The following PLAG1 variants were observed in gnomAD, a reference collection of about 807,000 sequenced individuals.
PLAG1 encodes the protein zinc finger protein PLAG1.
PLAG1 carries 7 observed loss-of-function variants against 35.5 expected under a neutral mutation model. That is an observed-to-expected ratio of 0.20 (90% CI 0.11 to 0.37). The LOEUF is 0.37. Among genes scored for constraint, PLAG1 ranks in the 10% least tolerant of loss-of-function variants. The pLI is 1.00. For synonymous variants in PLAG1, 229 were observed against 225.4 expected (o/e 1.02, Z -0.14); for missense variants, 454 against 602.8 (o/e 0.75, Z 2.58).
chr8:56,210,924 G>A (rs1157908128), intron 1 of PLAG1, among the ~76,000 whole-genome samples, 197 bp downstream of exon 1: 1 of 151,680 alleles, frequency 6.6e-6, no homozygotes, highest in South Asian at 2.1e-4. Context: ...GCAGCCCCGC[G>A]TAATTATTTT....
chr8:56,174,056 A>C (rs1811618089), intron 2 of PLAG1, among the ~76,000 whole-genome samples: 1 of 152,222 alleles, frequency 6.6e-6, no homozygotes, highest in Non-Finnish European at 1.5e-5. Context: ...CTGCATCAAT[A>C]ATTATTTCAT....
chr8:56,168,900 T>C (rs1347856553), intron 3 of PLAG1, among the ~76,000 whole-genome samples: 3 of 152,176 alleles, frequency 2.0e-5, no homozygotes, highest in Admixed American at 1.3e-4. Flanking sequence ...GAAGAGGTAC[T>C]TCACGGAGAG....
In PLAG1 at chr8:56,166,348, A is replaced by C; in HGVS notation, c.1398T>G (p.Pro466=). 1.2e-6 allele frequency: 2 copies of C among 1,613,934 alleles called. No individual in the cohort carries two copies. The highest frequency in any genetic ancestry group is 1.7e-6 in the Non-Finnish European group (2 of 1,179,836). ...LPPQTQDLQD[P]ANTIGLGSLH... is the part of the protein sequence containing the mutation. ...GAGACCCAAGCCCTATAGTGTTTGC[A>C]GGATCCTGAAGATCCTGTGTTTGTG... Residue 466 remains proline (P), a synonymous_variant, in exon 5 of 5, where the codon CCT becomes CCG. Coordinates refer to ENST00000316981, the MANE Select transcript of PLAG1 (RefSeq NM_002655.3).
At chr8:56,189,812 A>AG (rs1258412630) in intron 1 of PLAG1, among the ~76,000 whole-genome samples, 1 of 152,188 alleles carries the variant, frequency 6.6e-6, no homozygotes, top group Non-Finnish European at 1.5e-5. Context: ...AGTGCGTCCC[A>AG]GTCGGGGGAG....
At chr8:56,201,176 G>A (rs547211878) in intron 1 of PLAG1, among the ~76,000 whole-genome samples, 154 of 152,244 alleles carry the variant, frequency 1.0e-3, no homozygotes, top group African/African-American at 3.4e-3. Context: ...TCTCCTGGGT[G>A]GGAAGATCAT....
rs549858559 is a variant in PLAG1, at chr8:56,177,505, T to C, written c.-217+1904A>G. ...CAATTCTATTTGATCAAGAATGACC[T>C]TGAAAACCTTACCTCTCTGAACCTT... On this transcript the variant is annotated intron_variant, in intron 2 of 4. Transcript: ENST00000316981. Among the ~76,000 whole-genome samples the C allele has an allele frequency of 1.7e-4, 26 of 152,268 alleles. No individual in the cohort carries two copies. The South Asian group carries it at 5.0e-3, about 29-fold the overall frequency.
chr8:56,206,066 T>C (rs1341641227), intron 1 of PLAG1, among the ~76,000 whole-genome samples: 1 of 152,006 alleles, frequency 6.6e-6, no homozygotes, highest in African/African-American at 2.4e-5. Flanking sequence ...AATGTTCTGA[T>C]AAGCATTTTT....
rs79450965 is a variant in PLAG1, at chr8:56,161,635, T to C, written c.*4608A>G. Reference sequence around the variant, plus strand: ...CCTTTTGCAAGTGCACATGAATACATTGTGGTGGTGTAAAAGTTTGTTAAT... The same window carrying C: ...CCTTTTGCAAGTGCACATGAATACACTGTGGTGGTGTAAAAGTTTGTTAAT... On this transcript the variant is annotated 3_prime_UTR_variant, in exon 5 of 5. Transcript: ENST00000316981. 2,297 of 227,706 alleles carry C rather than the reference T, an allele frequency of 0.01. 107 individuals are homozygous for C. The East Asian group carries it at 0.11, about 11-fold the overall frequency. The allele number at this position is 227,706 out of a possible 1,614,324, so 14.1% of individuals were successfully genotyped here.
rs1282757000 is a variant in PLAG1 at position 56,166,996 on chromosome 8, G to C, written c.750C>G (p.Phe250Leu). ...LLKVKTEPVD[F>L]LDPFTCNVSV... is the part of the protein sequence containing the mutation. Reference sequence around the variant, plus strand: ...ACACATTGCAGGTAAATGGGTCAAGGAAATCCACTGGTTCTGTTTTGACCT... The same window carrying C: ...ACACATTGCAGGTAAATGGGTCAAGCAAATCCACTGGTTCTGTTTTGACCT... The change falls in exon 5 of 5, where the codon TTC becomes TTG. Residue 250 changes from phenylalanine (F) to leucine (L), a missense_variant. Physicochemically the swap from Phe to Leu is conservative, Grantham distance 22. Transcript: ENST00000316981. 6.8e-6 allele frequency: 11 copies of C among 1,614,002 alleles called. No homozygotes were observed. In the Admixed American group the frequency reaches 1.2e-4, roughly 17 times the overall value.
In PLAG1 at chr8:56,163,741, AT is replaced by A. The variant is rs1811276294; in HGVS notation, c.*2501del. On this transcript the variant is annotated 3_prime_UTR_variant, in exon 5 of 5. Coordinates refer to ENST00000316981, the MANE Select transcript of PLAG1 (RefSeq NM_002655.3). Reference sequence around the variant, plus strand: ...TATGGCGCTATTCCCCATTTCCAAAATGCTTTACTTAATAAATCCTGGTACT... The same window carrying A: ...TATGGCGCTATTCCCCATTTCCAAAAGCTTTACTTAATAAATCCTGGTACT... The A allele has an allele frequency of 5.3e-6, 1 of 190,056 alleles. No homozygotes were observed. The highest frequency in any genetic ancestry group is 1.9e-4 in the South Asian group (1 of 5,170). The allele number at this position is 190,056 out of a possible 1,614,324, so 11.8% of individuals were successfully genotyped here. A position where few individuals can be genotyped will look rare whatever the true frequency, so the allele number is the denominator to read the frequency against.
At chr8:56,204,683 T>C (rs923658773) in intron 1 of PLAG1, among the ~76,000 whole-genome samples, 4 of 151,932 alleles carry the variant, frequency 2.6e-5, no homozygotes, top group African/African-American at 7.2e-5. Flanking sequence ...TCTGAGAATA[T>C]TATCACATTC....
rs950157372 is a variant in PLAG1 at position 56,165,333 on chromosome 8, A to C, written c.*910T>G. 25 of 216,036 alleles carry C rather than the reference A, an allele frequency of 1.2e-4. No individual in the cohort carries two copies. The highest frequency in any genetic ancestry group is 1.4e-4 in the Non-Finnish European group (15 of 107,252). 13.4% of individuals were successfully genotyped at this position (216,036 alleles called of 1,614,324 possible). A position where few individuals can be genotyped will look rare whatever the true frequency, so the allele number is the denominator to read the frequency against. ...TGCAGTTCCACAATGGCTCTAGATTATGGACTAACCGTGGGCCAACAATGA... is the reference window on the plus strand; with the variant it reads ...TGCAGTTCCACAATGGCTCTAGATTCTGGACTAACCGTGGGCCAACAATGA... On this transcript the variant is annotated 3_prime_UTR_variant, in exon 5 of 5. Coordinates refer to ENST00000316981, the MANE Select transcript of PLAG1 (RefSeq NM_002655.3).
At chr8:56,198,062 C>T (rs534829957) in intron 1 of PLAG1, among the ~76,000 whole-genome samples, 2 of 152,328 alleles carry the variant, frequency 1.3e-5, no homozygotes, top group Admixed American at 6.5e-5. Context: ...GAATGGATGG[C>T]CCGCATCACA....
chr8:56,195,671 G>C (rs1563390424), intron 1 of PLAG1, among the ~76,000 whole-genome samples: 3 of 152,222 alleles, frequency 2.0e-5, no homozygotes, highest in Non-Finnish European at 4.4e-5. Flanking sequence ...CAGCTGGAGA[G>C]ATCACCGAGC....
chr8:56,166,327 C>A lies in PLAG1; in HGVS notation c.1419G>T (p.Gly473=). The part of the protein sequence containing the change: ...LQDPANTIGL[G]SLHSLSAAFT... ...AAGCTGCTGACAGTGAGTGCAGAGA[C>A]CCAAGCCCTATAGTGTTTGCAGGAT... Residue 473 remains glycine (G), a synonymous_variant, in exon 5 of 5, where the codon GGG becomes GGT. Coordinates refer to ENST00000316981, the MANE Select transcript of PLAG1 (RefSeq NM_002655.3). 4.3e-6 allele frequency: 7 copies of A among 1,613,760 alleles called. No individual in the cohort carries two copies. Among genetic ancestry groups the A allele is most frequent in the Non-Finnish European group, 5.9e-6 (7 of 1,179,752 alleles).
chr8:56,166,866 G>T lies in PLAG1; in HGVS notation c.880C>A (p.Pro294Thr). The stretch of plus-strand genomic sequence containing the variant: ...CCCGAGCTCTGCATGGACTGAAATG[G>T]AGTGTTGTAGAGGTTTAACTGCAAA... ...NTLQLNLYNTPFQSMQSSGSA... is the reference protein window; with the variant it reads ...NTLQLNLYNTTFQSMQSSGSA... Residue 294 changes from proline (P) to threonine (T), a missense_variant, in exon 5 of 5, where the codon CCA becomes ACA. Pro to Thr is a conservative substitution (Grantham distance 38). Transcript: ENST00000316981. 1.2e-6 allele frequency: 2 copies of T among 1,614,110 alleles called. No individual in the cohort carries two copies. Among genetic ancestry groups the T allele is most frequent in the Non-Finnish European group, 1.7e-6 (2 of 1,179,990 alleles).
At chr8:56,190,996 G>A (rs572465420) in intron 1 of PLAG1, among the ~76,000 whole-genome samples, 26 of 152,272 alleles carry the variant, frequency 1.7e-4, no homozygotes, top group East Asian at 9.6e-4. Flanking sequence ...CTGGAGGAAC[G>A]TGGGAGCCCG....
intron 2 of PLAG1, among the ~76,000 whole-genome samples, chr8:56,172,669 T>C (rs1241405215): frequency 6.6e-6 from 1 of 152,146 alleles, no homozygotes; most frequent in Non-Finnish European, 1.5e-5. Context: ...CCACAGAAGA[T>C]GAACAACTTG....
rs60025705 is a variant in PLAG1, at chr8:56,196,988, G to GTA, written c.-322+14132_-322+14133insTA. Among the ~76,000 whole-genome samples, 3 of 115,212 alleles carry GTA rather than the reference G, an allele frequency of 2.6e-5. No individual in the cohort carries two copies. The East Asian group carries it at 6.9e-4, about 27-fold the overall frequency. The allele number at this position is 115,212 out of a possible 152,430, so 75.6% of individuals were successfully genotyped here. A position where few individuals can be genotyped will look rare whatever the true frequency, so the allele number is the denominator to read the frequency against. On this transcript the variant is annotated intron_variant, in intron 1 of 4. Coordinates refer to ENST00000316981, the MANE Select transcript of PLAG1 (RefSeq NM_002655.3). ...TGTGTGTGTGTGTGTGTGTGTGTGTGCTCCTCTCTCCCCTCCAGGGCTGTG... is the reference window on the plus strand; with the variant it reads ...TGTGTGTGTGTGTGTGTGTGTGTGTGTACTCCTCTCTCCCCTCCAGGGCTGTG...
Sources: gnomAD v4.1 joint callset for allele counts (sites outside exome capture counted in the v4.1 genomes callset) on GRCh38, gnomAD v4.1.1 for gene constraint, MANE v1.5 for transcripts, NCBI Gene and HGNC (gene_info 2026-07-23, HGNC 2026-07-21) for gene names.